NCAPG2: variants seen among roughly 807,000 people sequenced by gnomAD.
The protein encoded by NCAPG2 is condensin-2 complex subunit G2.
NCAPG2 carries 53 observed loss-of-function variants against 141.1 expected under a neutral mutation model. The ratio of observed to expected loss-of-function variants is 0.38; its 90% confidence interval spans 0.30 to 0.47. The LOEUF (loss-of-function observed/expected upper bound fraction) is 0.47, where lower values mean the gene tolerates loss of function less well. NCAPG2 is among the 20% of genes least tolerant of loss of function. The pLI is 0.99. For synonymous variants in NCAPG2, 499 were observed against 490.7 expected, an observed-to-expected ratio of 1.02 and a Z score of -0.22; for missense variants, 1,087 against 1,389.0, an observed-to-expected ratio of 0.78 and a Z score of 3.46.
intron 4 of NCAPG2, among the ~76,000 whole-genome samples, chr7:158,692,405 G>C (rs1165219653): frequency 6.6e-6 from 1 of 152,206 alleles, no homozygotes; most frequent in African/African-American, 2.4e-5. Context: ...TGACTGCAAA[G>C]CTATACCTTT....
intron 16 of NCAPG2, among the ~76,000 whole-genome samples, chr7:158,659,434 GGA>G: frequency 7.4e-6 from 1 of 134,386 alleles, no homozygotes; most frequent in South Asian, 2.2e-4. Flanking sequence ...ATAGCACAGA[GGA>G]GAGGAGTTAA....
chr7:158,636,726 T>C (rs765948062), intron 27 of NCAPG2, among the ~76,000 whole-genome samples: 1 of 151,890 alleles, frequency 6.6e-6, no homozygotes, highest in African/African-American at 2.4e-5. Flanking sequence ...TAAAGAAAAA[T>C]GCTTAGACTT....
chr7:158,694,608 T>C (rs1835332126), intron 2 of NCAPG2, among the ~76,000 whole-genome samples: 1 of 152,140 alleles, frequency 6.6e-6, no homozygotes, highest in Admixed American at 6.5e-5. Context: ...CCTCAACAGA[T>C]GCAAATTGAA....
chr7:158,646,279 TGTAA>T (rs1831010419), intron 25 of NCAPG2, among the ~76,000 whole-genome samples, 177 bp downstream of exon 25: 2 of 152,232 alleles, frequency 1.3e-5, no homozygotes, highest in African/African-American at 4.8e-5. Context: ...TTTTTCTCTG[TGTAA>T]GTTTAATGTA....
At chr7:158,696,660 ACTTTT>A (rs1299987016) in intron 2 of NCAPG2, 2 of 152,230 alleles carry the variant, frequency 1.3e-5, no homozygotes, top group African/African-American at 2.4e-5. Context: ...TCCTCTTGCA[ACTTTT>A]CTTTTAACTT....
intron 24 of NCAPG2, among the ~76,000 whole-genome samples, chr7:158,648,686 GCCAAAT>G: frequency 6.2e-5 from 2 of 32,422 alleles, no homozygotes; most frequent in African/African-American, 2.2e-4. Flanking sequence ...CCACAACCAC[GCCAAAT>G]GGACCACAAC....
chr7:158,693,197 G>T, intron 3 of NCAPG2, 112 bp downstream of exon 3: 1 of 1,200,964 alleles, frequency 8.3e-7, no homozygotes, highest in Non-Finnish European at 1.2e-6. Context: ...TAAAATTCTT[G>T]ACTTCTAACT....
At chr7:158,668,800 A>C (rs551370939) in intron 13 of NCAPG2, among the ~76,000 whole-genome samples, 1 of 152,320 alleles carries the variant, frequency 6.6e-6, no homozygotes, top group Admixed American at 6.5e-5. Flanking sequence ...CAAATGCAGG[A>C]TGTGCAGGTT....
rs770771384 is a variant in NCAPG2, at chr7:158,687,423, C to T, written c.692G>A (p.Cys231Tyr). 24 of 1,605,544 alleles carry T rather than the reference C, an allele frequency of 1.5e-5. No individual in the cohort carries two copies. The highest frequency in any genetic ancestry group is 3.4e-5 in the Admixed American group (2 of 58,634). ...GAAGTTGATATTCCAGTTGAAGAGA[C>T]AACTAAGAAATCTTCTTCCCTAGAA... ...KKEEGRRFLS[C>Y]LFNWNINFIK... Residue 231 changes from cysteine to tyrosine, a missense_variant, in exon 7 of 28, where the codon TGT (cysteine) becomes TAT (tyrosine). Transcript: ENST00000356309.
At chr7:158,655,283 C>T in intron 20 of NCAPG2, 25 bp from the exon 21 acceptor site, 3 of 1,613,556 alleles carry the variant, frequency 1.9e-6, no homozygotes, top group Non-Finnish European at 2.5e-6. Context: ...GAAGATAAAT[C>T]AGTAACAAAA....
At chr7:158,693,539 A>C (rs766030514) in intron 2 of NCAPG2, 42 bp from the exon 3 acceptor site, 10 of 1,508,978 alleles carry the variant, frequency 6.6e-6, no homozygotes, top group Non-Finnish European at 9.1e-6. Context: ...AATACAAAAA[A>C]TTAATCATAT....
chr7:158,665,188 T>A, intron 13 of NCAPG2: 1 of 168,190 alleles, frequency 5.9e-6, no homozygotes, highest in South Asian at 1.4e-4. Flanking sequence ...CACTCCTGAA[T>A]CCCTGGGGCT....
At chr7:158,693,583 T>C (rs1482725512) in intron 2 of NCAPG2, 86 bp from the exon 3 acceptor site, 2 of 1,173,438 alleles carry the variant, frequency 1.7e-6, no homozygotes, top group Non-Finnish European at 2.4e-6. Context: ...AAAAGTTAAG[T>C]GTTAACTTCA....
chr7:158,674,627 T>A (rs893182991), intron 12 of NCAPG2, among the ~76,000 whole-genome samples: 2 of 152,174 alleles, frequency 1.3e-5, no homozygotes, highest in African/African-American at 4.8e-5. Flanking sequence ...AGCAAGCAGG[T>A]TCCTGAGAAG....
At position 158,649,311 on chromosome 7, in the gene NCAPG2, T is replaced by C. The variant is rs185993662; in HGVS notation, c.3075+1521A>G. 8.2e-3 allele frequency among the ~76,000 whole-genome samples: 1,245 copies of C among 152,332 alleles called. 7 individuals are homozygous for C. Among genetic ancestry groups the C allele is most frequent in the Non-Finnish European group, 0.013 (893 of 68,024 alleles). ...GGAAATACAACAGCTGTCAGCAAAC[T>C]TTTTCTGTAAAGTAACAAAATAGTA... On this transcript the variant is annotated intron_variant, in intron 24 of 27. Transcript: ENST00000356309.
intron 8 of NCAPG2, 53 bp from the exon 9 acceptor site, chr7:158,683,439 G>A (rs1442249690): frequency 2.9e-6 from 4 of 1,356,362 alleles, no homozygotes; most frequent in African/African-American, 1.5e-5. Flanking sequence ...TCCTACTGAC[G>A]ACCTGACAAG....
At chr7:158,637,974 TC>T (rs1305183482) in intron 27 of NCAPG2, among the ~76,000 whole-genome samples, 1 of 151,966 alleles carries the variant, frequency 6.6e-6, no homozygotes, top group Non-Finnish European at 1.5e-5. Context: ...TGAAACTCCG[TC>T]TCTACTAAAA....
chr7:158,638,213 TCC>T, intron 27 of NCAPG2, among the ~76,000 whole-genome samples: 1 of 152,162 alleles, frequency 6.6e-6, no homozygotes, highest in African/African-American at 2.4e-5. Flanking sequence ...TTTGGTCTTC[TCC>T]TGGAACCTGA....
chr7:158,676,117 C>T (rs754059519), intron 11 of NCAPG2, among the ~76,000 whole-genome samples: 3 of 152,112 alleles, frequency 2.0e-5, no homozygotes, highest in Admixed American at 6.5e-5. Flanking sequence ...ATAAGTACCC[C>T]GATGGGAGTA....
Sources: gnomAD v4.1 joint callset for allele counts (sites outside exome capture counted in the v4.1 genomes callset) on GRCh38, gnomAD v4.1.1 for gene constraint, MANE v1.5 for transcripts, NCBI Gene and HGNC (gene_info 2026-07-23, HGNC 2026-07-21) for gene names.